Variants in RSF1 observed in about 807,000 individuals in gnomAD.
The protein encoded by RSF1 is HBV pX-associated protein 8.
In RSF1, 13 loss-of-function variants were observed where a neutral mutation model predicts 145.2. The observed-to-expected ratio is 0.09, with a 90% CI of 0.06 to 0.14. The LOEUF (loss-of-function observed/expected upper bound fraction) is 0.14. Among genes scored for constraint, RSF1 ranks in the 10% least tolerant of loss-of-function variants. RSF1 has a pLI of 1.00. For missense variants in RSF1, 1,517 were observed against 1,718.2 expected (o/e 0.88, Z 2.07); for synonymous variants, 577 against 592.6 (o/e 0.97, Z 0.38).
At chr11:77,801,360 G>A (rs142877526) in intron 1 of RSF1, among the ~76,000 whole-genome samples, 340 of 152,110 alleles carry the variant, frequency 2.2e-3, no homozygotes, top group African/African-American at 7.3e-3. Context: ...CCCAGGAGGC[G>A]GAGGCTGCAA....
chr11:77,710,602 T>C (rs1256537067), intron 5 of RSF1, among the ~76,000 whole-genome samples: 2 of 152,190 alleles, frequency 1.3e-5, no homozygotes, highest in East Asian at 1.9e-4. Flanking sequence ...TCAATTTCTG[T>C]GGCAAAACTA....
At chr11:77,795,847 T>C (rs1229132765) in intron 1 of RSF1, among the ~76,000 whole-genome samples, 4 of 152,222 alleles carry the variant, frequency 2.6e-5, no homozygotes, top group Non-Finnish European at 4.4e-5. Flanking sequence ...CATCTGGTCC[T>C]GGACTTTTTT....
upstream of RSF1, chr11:77,820,930 G>T: frequency 1.8e-6 from 1 of 565,236 alleles, no homozygotes; most frequent in Non-Finnish European, 3.1e-6. Flanking sequence ...GGCCCTCGGC[G>T]CCTTTCACTT....
intron 3 of RSF1, among the ~76,000 whole-genome samples, chr11:77,742,839 G>C (rs1013368558): frequency 3.9e-5 from 6 of 152,010 alleles, no homozygotes; most frequent in Admixed American, 3.3e-4. Context: ...TTCTTTATAT[G>C]GTTTGAATAT....
At position 77,667,315 on chromosome 11, in the gene RSF1, TCTC is replaced by T. The variant is rs748005791; in HGVS notation, c.3925_3927del (p.Glu1309del). Reference sequence around the variant, plus strand: ...GCATCTCCATGAGCATTGTCACAACTCTCCTCCTCATCCGTCTCAATCCGGTGT... The same window carrying T: ...GCATCTCCATGAGCATTGTCACAACTCTCCTCATCCGTCTCAATCCGGTGT... On this transcript the variant is annotated inframe_deletion, in exon 16 of 16. Coordinates refer to ENST00000308488, the MANE Select transcript of RSF1 (RefSeq NM_016578.4). 1.4e-4 allele frequency: 231 copies of T among 1,614,026 alleles called. No homozygotes were observed. Among genetic ancestry groups the T allele is most frequent in the Non-Finnish European group, 1.9e-4 (224 of 1,180,028 alleles).
At chr11:77,867,544 G>A in the RSF1 span, among the ~76,000 whole-genome samples, 1 of 152,206 alleles carries the variant, frequency 6.6e-6, no homozygotes, top group South Asian at 2.1e-4. Flanking sequence ...ACTTGGCACA[G>A]AGTTAAGTTC....
At chr11:77,705,418 T>C (rs1373261432) in intron 5 of RSF1, among the ~76,000 whole-genome samples, 2 of 152,242 alleles carry the variant, frequency 1.3e-5, no homozygotes, top group African/African-American at 4.8e-5. Flanking sequence ...CAAATATTTA[T>C]TGATCACTTA....
intron 7 of RSF1, among the ~76,000 whole-genome samples, chr11:77,694,651 C>T (rs943627843): frequency 2.0e-5 from 3 of 152,170 alleles, no homozygotes; most frequent in African/African-American, 7.2e-5. Flanking sequence ...AACTATGGTA[C>T]ATTTATCAAA....
chr11:77,837,518 G>A, the RSF1 span, among the ~76,000 whole-genome samples: 5 of 151,962 alleles, frequency 3.3e-5, no homozygotes, highest in Non-Finnish European at 7.4e-5. Flanking sequence ...GCAGTGGTGC[G>A]ATCTTGGCTC....
chr11:77,811,142 A>T (rs2186562), intron 1 of RSF1, among the ~76,000 whole-genome samples: 99,735 of 152,098 alleles, frequency 0.66, 32,878 homozygotes, highest in South Asian at 0.81. Context: ...CAGACAACAG[A>T]ATGTAAACAA....
chr11:77,867,796 C>T, the RSF1 span, among the ~76,000 whole-genome samples: 1 of 152,142 alleles, frequency 6.6e-6, no homozygotes, highest in Non-Finnish European at 1.5e-5. Flanking sequence ...AAACACATCA[C>T]CTTAAATGTG....
At chr11:77,820,451 C>G (rs1948855129) in intron 1 of RSF1, 77 bp downstream of exon 1, 2 of 1,438,738 alleles carry the variant, frequency 1.4e-6, no homozygotes, top group Admixed American at 2.3e-5. Flanking sequence ...CCGCGAAGAA[C>G]CGGGGCGCCT....
At chr11:77,717,765 T>A (rs1565158706) in intron 5 of RSF1, 1 of 152,218 alleles carries the variant, frequency 6.6e-6, no homozygotes, top group Non-Finnish European at 1.5e-5. Flanking sequence ...TACAGGGAAG[T>A]AAGTTCTTTT....
chr11:77,856,556 GAA>G, the RSF1 span, among the ~76,000 whole-genome samples: 1 of 152,156 alleles, frequency 6.6e-6, no homozygotes, highest in Non-Finnish European at 1.5e-5. Flanking sequence ...AGTTTCTAGA[GAA>G]AAGAGTTTTA....
At chr11:77,718,962 T>C (rs1960880872) in intron 5 of RSF1, among the ~76,000 whole-genome samples, 1 of 152,194 alleles carries the variant, frequency 6.6e-6, no homozygotes. Context: ...ACTATAACTA[T>C]ACTGGGCTGG....
chr11:77,730,524 T>C (rs114080355), intron 4 of RSF1, among the ~76,000 whole-genome samples: 11 of 152,320 alleles, frequency 7.2e-5, no homozygotes, highest in African/African-American at 2.6e-4. Flanking sequence ...CTCCTGTCCT[T>C]TCCTACTCAA....
At chr11:77,773,113 T>C (rs903861329) in intron 1 of RSF1, among the ~76,000 whole-genome samples, 3 of 152,210 alleles carry the variant, frequency 2.0e-5, no homozygotes, top group African/African-American at 7.2e-5. Context: ...AAATTATTAA[T>C]ACTTCTTCCA....
chr11:77,727,213 G>A (rs1961076011), intron 4 of RSF1, among the ~76,000 whole-genome samples: 1 of 152,098 alleles, frequency 6.6e-6, no homozygotes, highest in Admixed American at 6.5e-5. Flanking sequence ...CAAAGATCCA[G>A]TCCCCTAATT....
chr11:77,750,201 T>A (rs1258126164), intron 2 of RSF1, among the ~76,000 whole-genome samples: 2 of 152,182 alleles, frequency 1.3e-5, no homozygotes, highest in Non-Finnish European at 2.9e-5. Flanking sequence ...AAAAAGATTA[T>A]TCAAAAAGAC....
Sources: gnomAD v4.1 joint callset for allele counts (sites outside exome capture counted in the v4.1 genomes callset) on GRCh38, gnomAD v4.1.1 for gene constraint, MANE v1.5 for transcripts, NCBI Gene and HGNC (gene_info 2026-07-23, HGNC 2026-07-21) for gene names.